Variants in RNF170 observed in about 807,000 individuals in gnomAD.
RNF170 encodes E3 ubiquitin-protein ligase RNF170.
RNF170 carries 12 observed loss-of-function variants against 32.7 expected under a neutral mutation model. The ratio of observed to expected loss-of-function variants is 0.37; its 90% CI spans 0.24 to 0.60. The LOEUF (loss-of-function observed/expected upper bound fraction) is 0.60, where lower values mean the gene tolerates loss of function less well. RNF170 is among the 20% of genes least tolerant of loss of function. The pLI is 0.72. For synonymous variants in RNF170, 91 were observed against 103.6 expected (o/e 0.88, Z 0.74); for missense variants, 212 against 311.2 (o/e 0.68, Z 2.40).
intron 3 of RNF170, among the ~76,000 whole-genome samples, chr8:42,871,297 A>G (rs981398938): frequency 5.9e-5 from 9 of 152,216 alleles, no homozygotes; most frequent in African/African-American, 2.2e-4. Context: ...CCCAGCACAG[A>G]TAAAGTTGCT....
chr8:42,865,984 C>CA (rs1412515126), intron 4 of RNF170, among the ~76,000 whole-genome samples: 7 of 151,426 alleles, frequency 4.6e-5, no homozygotes, highest in African/African-American at 1.5e-4. Context: ...GACTCTGTCT[C>CA]AAAAAAAACC....
At chr8:42,876,935 G>A (rs1276872046) in intron 2 of RNF170, among the ~76,000 whole-genome samples, 2 of 150,232 alleles carry the variant, frequency 1.3e-5, no homozygotes, top group South Asian at 2.1e-4. Context: ...GATTACAGGC[G>A]TGAGCCACTG....
chr8:42,896,841 A>G (rs1563283551), upstream of RNF170: 3 of 229,364 alleles, frequency 1.3e-5, no homozygotes, highest in Non-Finnish European at 1.7e-5. Flanking sequence ...GGCTCCAGCC[A>G]GGGCGGCGGC....
chr8:42,854,406 T>C lies in RNF170; in HGVS notation c.*1753A>G. ...TTCAAAAACACTTTCATCAATAGCA[T>C]GGGGATTGTATCTATGAAAGGGAAG... On this transcript the variant is annotated 3_prime_UTR_variant, in exon 7 of 7. Coordinates refer to ENST00000527424, the MANE Select transcript of RNF170 (RefSeq NM_030954.4). The C allele has an allele frequency of 7.8e-7, 1 of 1,287,206 alleles. No homozygotes were observed. The highest frequency in any genetic ancestry group is 1.5e-5 in the African/African-American group (1 of 65,914). 79.7% of individuals were successfully genotyped at this position (1,287,206 alleles called of 1,614,324 possible).
Position 42,854,199 on chromosome 8 carries a change from G to A in RNF170, c.*1960C>T, listed in dbSNP as rs1314172771. On this transcript the variant is annotated 3_prime_UTR_variant, in exon 7 of 7. Transcript: ENST00000527424. The stretch of plus-strand genomic sequence containing the variant: ...TCTCCACAGACCTTTCCTCTTAGGA[G>A]TGCCTAAGCTGTCTTACTCTGATGG... 2.3e-6 allele frequency: 3 copies of A among 1,287,040 alleles called. No individual in the cohort carries two copies. In the African/African-American group the frequency reaches 4.6e-5, roughly 20 times the overall value. 79.7% of individuals were successfully genotyped at this position (1,287,040 alleles called of 1,614,324 possible). A position where few individuals can be genotyped will look rare whatever the true frequency, so the allele number is the denominator to read the frequency against.
chr8:42,869,911 G>A lies in RNF170; in HGVS notation c.322+93C>T, dbSNP rs1000090660. ...CTACCCTACTCACAAAATACAAAAT[G>A]TGACAAAGAGAAAATTGGGAATCCA... On this transcript the variant is annotated intron_variant, in intron 4 of 6. Coordinates refer to ENST00000527424, the MANE Select transcript of RNF170 (RefSeq NM_030954.4). 9.2e-5 allele frequency: 79 copies of A among 855,536 alleles called. No homozygotes were observed. The African/African-American group carries it at 1.2e-3, about 13-fold the overall frequency. 53.0% of individuals were successfully genotyped at this position (855,536 alleles called of 1,614,324 possible). A position where few individuals can be genotyped will look rare whatever the true frequency, so the allele number is the denominator to read the frequency against.
chr8:42,851,044 A>G, downstream of RNF170: 1 of 1,546,254 alleles, frequency 6.5e-7, no homozygotes, highest in South Asian at 1.2e-5. Flanking sequence ...TTGTTAGATC[A>G]TGTCTTCCCA....
In RNF170 at chr8:42,870,006, C is replaced by G; in HGVS notation, c.320G>C (p.Cys107Ser). The G allele has an allele frequency of 6.2e-7, 1 of 1,611,412 alleles. No homozygotes were observed. Among genetic ancestry groups the G allele is most frequent in the South Asian group, 1.1e-5 (1 of 91,034 alleles). ...CAAGTATAGCGTTGTTTGCTTACCA[C>G]AAAAAAGATGTCCACAGTTGGTCTC... ...PVETNCGHLF[C>S]GACIIAYWRY... The change falls in exon 4 of 7, where the codon TGT (cysteine) becomes TCT (serine). Residue 107 changes from cysteine (C) to serine (S), a missense_variant and splice_region_variant. Around this residue, in one of 2 missense-constraint regions of RNF170, gnomAD observed 115 missense variants for 132.3 expected, o/e 0.87. Transcript: ENST00000527424.
intron 1 of RNF170, among the ~76,000 whole-genome samples, chr8:42,895,487 T>C (rs1474298196): frequency 6.6e-6 from 1 of 152,082 alleles, no homozygotes; most frequent in African/African-American, 2.4e-5. Flanking sequence ...TGGCATTGGG[T>C]GGTAGTTATG....
chr8:42,851,347 A>G (rs949836777), downstream of RNF170, among the ~76,000 whole-genome samples: 8 of 152,234 alleles, frequency 5.3e-5, no homozygotes, highest in African/African-American at 1.9e-4. Flanking sequence ...GGATTACCTG[A>G]GATCAGGAGT....
In RNF170 at chr8:42,874,041, A is replaced by G. The variant is rs768148468; in HGVS notation, c.138-35T>C. On this transcript the variant is annotated intron_variant, in intron 2 of 6. Transcript: ENST00000527424. ...AGAATATAATAAATTTTGAATAGAA[A>G]ATATTATCATATGAATCCATTTTCT... 7 of 1,250,888 alleles carry G rather than the reference A, an allele frequency of 5.6e-6. No individual in the cohort carries two copies. The Admixed American group carries it at 1.2e-4, about 21-fold the overall frequency. The allele number at this position is 1,250,888 out of a possible 1,614,324, so 77.5% of individuals were successfully genotyped here.
In RNF170 at chr8:42,854,086, T is replaced by C. The variant is rs1282078514; in HGVS notation, c.*2073A>G. ...AACTCCTACTCACTCGCTTTTCAAG[T>C]TGGTGACTGCAGCTGAAATGTTTTT... On this transcript the variant is annotated 3_prime_UTR_variant, in exon 7 of 7. Transcript: ENST00000527424. 1 of 1,287,122 alleles carries C rather than the reference T, an allele frequency of 7.8e-7. No homozygotes were observed. Among genetic ancestry groups the C allele is most frequent in the East Asian group, 5.5e-5 (1 of 18,046 alleles). 79.7% of individuals were successfully genotyped at this position (1,287,122 alleles called of 1,614,324 possible).
chr8:42,881,026 G>A (rs1242627503), intron 2 of RNF170, among the ~76,000 whole-genome samples: 1 of 152,082 alleles, frequency 6.6e-6, no homozygotes, highest in Non-Finnish European at 1.5e-5. Flanking sequence ...ATGCACTAGG[G>A]AACCAAAAAA....
At chr8:42,895,551 A>G (rs1312227033) in intron 1 of RNF170, among the ~76,000 whole-genome samples, 1 of 152,166 alleles carries the variant, frequency 6.6e-6, no homozygotes, top group Non-Finnish European at 1.5e-5. Context: ...TGTCCTGGAA[A>G]TTCCAACATA....
At chr8:42,887,623 T>C (rs1586553084) in intron 2 of RNF170, 105 bp downstream of exon 2, 5 of 1,037,836 alleles carry the variant, frequency 4.8e-6, no homozygotes, top group East Asian at 2.4e-5. Flanking sequence ...CTACAATCAC[T>C]GAGATCTGTT....
chr8:42,854,069 C>T lies in RNF170; in HGVS notation c.*2090G>A, dbSNP rs1356040146. The T allele has an allele frequency of 1.6e-6, 2 of 1,287,182 alleles. No individual in the cohort carries two copies. Among genetic ancestry groups the T allele is most frequent in the Admixed American group, 4.6e-5 (2 of 43,548 alleles). 79.7% of individuals were successfully genotyped at this position (1,287,182 alleles called of 1,614,324 possible). A position where few individuals can be genotyped will look rare whatever the true frequency, so the allele number is the denominator to read the frequency against. On this transcript the variant is annotated 3_prime_UTR_variant, in exon 7 of 7. Coordinates refer to ENST00000527424, the MANE Select transcript of RNF170 (RefSeq NM_030954.4). ...TACATGGCAGTGTGACAAACTCCTA[C>T]TCACTCGCTTTTCAAGTTGGTGACT...
chr8:42,888,071 T>G (rs1805971940), intron 1 of RNF170, among the ~76,000 whole-genome samples, 200 bp from the exon 2 acceptor site: 1 of 152,174 alleles, frequency 6.6e-6, no homozygotes, highest in Non-Finnish European at 1.5e-5. Flanking sequence ...AAATTCTATT[T>G]CTATTTTTTT....
At chr8:42,888,762 C>A (rs866902795) in intron 1 of RNF170, among the ~76,000 whole-genome samples, 3 of 146,030 alleles carry the variant, frequency 2.1e-5, no homozygotes, top group South Asian at 4.6e-4. Flanking sequence ...CTGTCCCCCG[C>A]CCCCCAACCT....
At chr8:42,886,044 G>C (rs548892760) in intron 2 of RNF170, among the ~76,000 whole-genome samples, 1 of 152,116 alleles carries the variant, frequency 6.6e-6, no homozygotes, top group Non-Finnish European at 1.5e-5. Context: ...CTAACACGGT[G>C]AAACCCCGTC....
Sources: gnomAD v4.1 joint callset for allele counts (sites outside exome capture counted in the v4.1 genomes callset) on GRCh38, gnomAD v4.1.1 for gene constraint, gnomAD v4.1.1 regional missense constraint, MANE v1.5 for transcripts, NCBI Gene and HGNC (gene_info 2026-07-23, HGNC 2026-07-21) for gene names.